Variants in CDH23 observed in about 807,000 individuals in gnomAD.
CDH23 encodes the protein cadherin-23.
In CDH23, 189 loss-of-function variants were observed where a neutral mutation model predicts 317.1. The ratio of observed to expected loss-of-function variants is 0.60; its 90% CI spans 0.53 to 0.67. The LOEUF (loss-of-function observed/expected upper bound fraction) is 0.67, where lower values mean the gene tolerates loss of function less well. Among genes scored for constraint, CDH23 ranks in the 30% least tolerant of loss-of-function variants. The pLI, the probability that CDH23 is intolerant of heterozygous loss-of-function variation, is 0.00. For missense variants in CDH23, 4,401 were observed against 4,592.4 expected, an observed-to-expected ratio of 0.96 and a Z score of 1.20; for synonymous variants, 1,839 against 1,876.8, an observed-to-expected ratio of 0.98 and a Z score of 0.52.
chr10:71,592,873 C>T (rs535562211), intron 9 of CDH23, among the ~76,000 whole-genome samples: 1 of 152,366 alleles, frequency 6.6e-6, no homozygotes, highest in South Asian at 2.1e-4. Flanking sequence ...GATGTCTACA[C>T]TGCCTCTTCT....
intron 6 of CDH23, among the ~76,000 whole-genome samples, chr10:71,540,998 G>A (rs1230014416): frequency 1.3e-5 from 2 of 151,934 alleles, no homozygotes; most frequent in Non-Finnish European, 1.5e-5. Flanking sequence ...TCCCTCTGGT[G>A]GTCAGGAGGT....
intron 1 of CDH23, among the ~76,000 whole-genome samples, chr10:71,432,595 C>T (rs1849446545): frequency 6.6e-6 from 1 of 152,062 alleles, no homozygotes; most frequent in Non-Finnish European, 1.5e-5. Flanking sequence ...TGGTCCTCAC[C>T]TGGGGAAAGG....
At chr10:71,618,647 T>A (rs1327083043) in intron 11 of CDH23, among the ~76,000 whole-genome samples, 1 of 152,136 alleles carries the variant, frequency 6.6e-6, no homozygotes, top group African/African-American at 2.4e-5. Context: ...TCCTCCACCG[T>A]CCTCGGGAGA....
At chr10:71,603,225 TCTC>T (rs1860332989) in intron 9 of CDH23, among the ~76,000 whole-genome samples, 2 of 152,242 alleles carry the variant, frequency 1.3e-5, no homozygotes, top group South Asian at 2.1e-4. Context: ...TGGGCTTTCT[TCTC>T]CTTGGGCGTC....
intron 11 of CDH23, among the ~76,000 whole-genome samples, chr10:71,637,640 G>T (rs1391817778): frequency 6.6e-6 from 1 of 152,138 alleles, no homozygotes; most frequent in Non-Finnish European, 1.5e-5. Flanking sequence ...CAGGTCATGG[G>T]GCTCTTCCCT....
chr10:71,692,712 A>G (rs1275434994), intron 20 of CDH23, among the ~76,000 whole-genome samples: 1 of 152,206 alleles, frequency 6.6e-6, no homozygotes, highest in African/African-American at 2.4e-5. Flanking sequence ...CTGTCAGGGT[A>G]GAAGCAGTCC....
intron 6 of CDH23, among the ~76,000 whole-genome samples, chr10:71,559,021 G>A (rs2132335710): frequency 6.6e-6 from 1 of 152,284 alleles, no homozygotes; most frequent in Admixed American, 6.5e-5. Flanking sequence ...TTGGGGAAGG[G>A]ATCTGGGAGT....
chr10:71,480,286 C>T lies in CDH23; in HGVS notation c.146-29796C>T, dbSNP rs376930649. 3.0e-4 allele frequency among the ~76,000 whole-genome samples: 45 copies of T among 152,384 alleles called. No homozygotes were observed. In the East Asian group the frequency reaches 8.5e-3, roughly 29 times the overall value. On this transcript the variant is annotated intron_variant, in intron 3 of 69. Coordinates refer to ENST00000224721, the MANE Select transcript of CDH23 (RefSeq NM_022124.6). The stretch of plus-strand genomic sequence containing the variant: ...TCTGCAGCGCGTCTGCCCACATTCC[C>T]GTTCTGTCCTTACCCCAGTCTGGCC...
chr10:71,693,212 C>T (rs1319831914), intron 20 of CDH23, among the ~76,000 whole-genome samples: 1 of 152,212 alleles, frequency 6.6e-6, no homozygotes, highest in East Asian at 1.9e-4. Flanking sequence ...TATTCAATAC[C>T]ACCAAGTTGG....
At position 71,807,974 on chromosome 10, in the gene CDH23, G is replaced by T; in HGVS notation, c.8689G>T (p.Asp2897Tyr). Reference sequence around the variant, plus strand: ...CCACTACTTCCGGGCCCTTGCCAACGACTCTGAAGATGTGGGCCAGGTCTT... The same window carrying T: ...CCACTACTTCCGGGCCCTTGCCAACTACTCTGAAGATGTGGGCCAGGTCTT... ...AIHYFRALAN[D>Y]SEDVGQVFTM... The change falls in exon 60 of 70, where the codon GAC (aspartate) becomes TAC (tyrosine). Residue 2897 changes from aspartate (D) to tyrosine (Y), a missense_variant. Physicochemically the swap from Asp to Tyr is radical, Grantham distance 160 (BLOSUM62 -3). Transcript: ENST00000224721. 6.3e-7 allele frequency: 1 copy of T among 1,596,820 alleles called. No homozygotes were observed. The highest frequency in any genetic ancestry group is 1.3e-5 in the African/African-American group (1 of 74,732).
At chr10:71,423,472 G>A (rs1368074301) in intron 1 of CDH23, among the ~76,000 whole-genome samples, 1 of 152,186 alleles carries the variant, frequency 6.6e-6, no homozygotes, top group Non-Finnish European at 1.5e-5. Flanking sequence ...GAGTAGGAAG[G>A]TGCTCCTTGG....
intron 18 of CDH23, among the ~76,000 whole-genome samples, chr10:71,686,916 A>G (rs1564732198): frequency 6.6e-6 from 1 of 152,104 alleles, no homozygotes; most frequent in Admixed American, 6.5e-5. Context: ...GGTGTGAAGG[A>G]GTTGGGGGGT....
intron 2 of CDH23, among the ~76,000 whole-genome samples, chr10:71,443,028 C>T (rs1198725474): frequency 6.6e-6 from 1 of 152,210 alleles, no homozygotes; most frequent in Non-Finnish European, 1.5e-5. Flanking sequence ...AAGTCCCTGA[C>T]TCCTTGAATT....
At chr10:71,691,614 T>C (rs577601189) in intron 20 of CDH23, among the ~76,000 whole-genome samples, 1 of 152,210 alleles carries the variant, frequency 6.6e-6, no homozygotes, top group Non-Finnish European at 1.5e-5. Context: ...CCAGGCCCCT[T>C]CCATGTTGTG....
chr10:71,547,634 G>A (rs576112873), intron 6 of CDH23, among the ~76,000 whole-genome samples: 10 of 152,328 alleles, frequency 6.6e-5, no homozygotes, highest in East Asian at 3.9e-4. Context: ...CCAGTGAGCC[G>A]GTCCCCGCAG....
chr10:71,545,409 G>A (rs372919625), intron 6 of CDH23, among the ~76,000 whole-genome samples: 5 of 152,260 alleles, frequency 3.3e-5, no homozygotes, highest in Admixed American at 6.5e-5. Flanking sequence ...TCAGGTTGTC[G>A]TCATCAATGA....
chr10:71,504,911 G>A (rs61851645), intron 3 of CDH23, among the ~76,000 whole-genome samples: 1 of 152,226 alleles, frequency 6.6e-6, no homozygotes, highest in East Asian at 1.9e-4. Flanking sequence ...TAACCTGGCT[G>A]TGTGTGAGCG....
intron 6 of CDH23, among the ~76,000 whole-genome samples, chr10:71,564,672 G>A (rs765402463): frequency 2.0e-5 from 3 of 152,206 alleles, no homozygotes; most frequent in African/African-American, 2.4e-5. Flanking sequence ...CACGGGAGCC[G>A]TCCCTCTCCT....
intron 9 of CDH23, among the ~76,000 whole-genome samples, chr10:71,603,745 G>A (rs1248962046): frequency 6.6e-6 from 1 of 152,220 alleles, no homozygotes; most frequent in East Asian, 1.9e-4. Context: ...TGAGGGCTAT[G>A]TGAGACCCAA....
Sources: gnomAD v4.1 joint callset for allele counts (sites outside exome capture counted in the v4.1 genomes callset) on GRCh38, gnomAD v4.1.1 for gene constraint, MANE v1.5 for transcripts, NCBI Gene and HGNC (gene_info 2026-07-23, HGNC 2026-07-21) for gene names.